The following MACROD1 variants were observed in gnomAD, a reference collection of about 807,000 sequenced individuals.
MACROD1 encodes the protein mono-ADP ribosylhydrolase 1, also known as ADP-ribose glycohydrolase MACROD1.
Under a neutral mutation model 41.4 loss-of-function variants are expected in MACROD1, and 31 were observed. That is an observed-to-expected ratio of 0.75 (90% CI 0.56 to 1.01). MACROD1 has a LOEUF of 1.01. Among genes scored for constraint, MACROD1 ranks in the 50% least tolerant of loss-of-function variants. The pLI, the probability that MACROD1 is intolerant of heterozygous loss-of-function variation, is 0.00. For synonymous variants in MACROD1, 252 were observed against 203.4 expected, an observed-to-expected ratio of 1.24 and a Z score of -2.03; for missense variants, 473 against 460.0, an observed-to-expected ratio of 1.03 and a Z score of -0.26.
At chr11:64,108,964 G>A (rs1944812184) in intron 3 of MACROD1, among the ~76,000 whole-genome samples, 2 of 152,202 alleles carry the variant, frequency 1.3e-5, no homozygotes, top group Admixed American at 6.5e-5. Flanking sequence ...GAAGGAGGCT[G>A]AGGGGCAAGT....
chr11:64,046,851 C>T (rs1943593639), intron 3 of MACROD1, among the ~76,000 whole-genome samples: 2 of 152,184 alleles, frequency 1.3e-5, no homozygotes, highest in South Asian at 4.1e-4. Flanking sequence ...GAAGTCTTCC[C>T]CATCCCTGCC....
At chr11:64,058,414 C>T (rs1943832811) in intron 3 of MACROD1, among the ~76,000 whole-genome samples, 1 of 152,078 alleles carries the variant, frequency 6.6e-6, no homozygotes, top group Non-Finnish European at 1.5e-5. Context: ...GGGGGGGGGT[C>T]CTCCCCTGTA....
At chr11:64,076,327 G>A (rs1944200172) in intron 3 of MACROD1, among the ~76,000 whole-genome samples, 1 of 152,188 alleles carries the variant, frequency 6.6e-6, no homozygotes, top group African/African-American at 2.4e-5. Flanking sequence ...TTGGGGTTAG[G>A]GACAGGGACA....
chr11:64,115,321 A>G (rs529466913), intron 3 of MACROD1, among the ~76,000 whole-genome samples: 36 of 152,304 alleles, frequency 2.4e-4, no homozygotes, highest in African/African-American at 5.8e-4. Context: ...CTCAGAGTAC[A>G]GACGTGACTC....
In MACROD1 at chr11:64,109,469, C is replaced by T. The variant is rs558680830; in HGVS notation, c.517+41770G>A. 1.4e-3 allele frequency among the ~76,000 whole-genome samples: 207 copies of T among 152,254 alleles called. 1 individual carries two copies. The highest frequency in any genetic ancestry group is 2.4e-3 in the Non-Finnish European group (160 of 68,022). ...CAGCTCCACAAAGGGTCTAATGCAC[C>T]GTGAGCACAGCTTCTGGGGAGGGCT... is the stretch of plus-strand genomic sequence containing the variant. On this transcript the variant is annotated intron_variant, in intron 3 of 10. Coordinates refer to ENST00000255681, the MANE Select transcript of MACROD1 (RefSeq NM_014067.4).
chr11:64,108,695 C>T (rs116841289), intron 3 of MACROD1, among the ~76,000 whole-genome samples: 2 of 152,332 alleles, frequency 1.3e-5, no homozygotes, highest in African/African-American at 2.4e-5. Flanking sequence ...TGCTTCTGCC[C>T]GCAGTCTGCC....
At chr11:64,100,083 A>G (rs1944645414) in intron 3 of MACROD1, among the ~76,000 whole-genome samples, 1 of 152,186 alleles carries the variant, frequency 6.6e-6, no homozygotes, top group Non-Finnish European at 1.5e-5. Context: ...ATAACCCTGC[A>G]CAAGTCCTGC....
chr11:64,154,447 C>T lies in MACROD1; in HGVS notation c.299-2054G>A, dbSNP rs182617562. ...CTCATGGCTCCCTAGATCCCACAGA[C>T]GCTCCCAACTCCCAGCTGATCTCCG... On this transcript the variant is annotated intron_variant, in intron 1 of 10. Coordinates refer to ENST00000255681, the MANE Select transcript of MACROD1 (RefSeq NM_014067.4). Among the ~76,000 whole-genome samples, 620 of 152,240 alleles carry T rather than the reference C, an allele frequency of 4.1e-3. 1 individual carries two copies. Among genetic ancestry groups the T allele is most frequent in the Admixed American group, 6.7e-3 (102 of 15,282 alleles).
intron 3 of MACROD1, among the ~76,000 whole-genome samples, chr11:64,080,621 G>A (rs748379951): frequency 2.8e-4 from 43 of 152,206 alleles, no homozygotes; most frequent in Non-Finnish European, 4.8e-4. Context: ...GGAGGGTTAC[G>A]TTTATGATAC....
chr11:64,018,466 G>A (rs979788093), intron 3 of MACROD1, among the ~76,000 whole-genome samples: 1 of 152,086 alleles, frequency 6.6e-6, no homozygotes, highest in Non-Finnish European at 1.5e-5. Flanking sequence ...TGGCCCGGAG[G>A]CTTGCAGAGA....
At chr11:64,031,426 A>G (rs1943292173) in intron 3 of MACROD1, among the ~76,000 whole-genome samples, 1 of 149,724 alleles carries the variant, frequency 6.7e-6, no homozygotes, top group South Asian at 2.1e-4. Flanking sequence ...TGGAGTTAGA[A>G]CTTGGATCAG....
intron 3 of MACROD1, among the ~76,000 whole-genome samples, chr11:64,054,123 C>G (rs924832695): frequency 1.3e-5 from 2 of 152,126 alleles, no homozygotes; most frequent in Admixed American, 6.5e-5. Flanking sequence ...CTGAGTTCTA[C>G]CAGGCAGGAG....
At chr11:64,040,402 GGGC>G (rs1943462541) in intron 3 of MACROD1, among the ~76,000 whole-genome samples, 3 of 152,172 alleles carry the variant, frequency 2.0e-5, no homozygotes, top group Non-Finnish European at 4.4e-5. Flanking sequence ...CCCGGCAGGA[GGGC>G]AGAGGGGCTC....
In MACROD1 at chr11:64,039,968, C is replaced by T. The variant is rs78989042; in HGVS notation, c.518-24687G>A. Reference sequence around the variant, plus strand: ...CTGGCCCACCAGTGCTCCTCTGGCACGCCTGGCTCCCTGGCTCTTCTGTTT... The same window carrying T: ...CTGGCCCACCAGTGCTCCTCTGGCATGCCTGGCTCCCTGGCTCTTCTGTTT... On this transcript the variant is annotated intron_variant, in intron 3 of 10. Transcript: ENST00000255681. Among the ~76,000 whole-genome samples the T allele has an allele frequency of 4.0e-3, 616 of 152,362 alleles. 2 individuals carry two copies. The highest frequency in any genetic ancestry group is 6.8e-3 in the Non-Finnish European group (466 of 68,036).
chr11:64,128,653 C>A (rs1945221763), intron 3 of MACROD1, among the ~76,000 whole-genome samples: 1 of 151,534 alleles, frequency 6.6e-6, no homozygotes, highest in Admixed American at 6.6e-5. Flanking sequence ...AGCCTCAGTG[C>A]AGCCCCACCC....
At chr11:64,118,316 G>A (rs767651641) in intron 3 of MACROD1, 6 of 1,530,134 alleles carry the variant, frequency 3.9e-6, no homozygotes, top group Admixed American at 2.0e-5. Flanking sequence ...GGGCTGCCCC[G>A]CCTCAGCCCC....
chr11:64,127,209 C>G (rs1261445525), intron 3 of MACROD1, among the ~76,000 whole-genome samples: 1 of 152,270 alleles, frequency 6.6e-6, no homozygotes, highest in Non-Finnish European at 1.5e-5. Context: ...GTCCTATTTT[C>G]TGTTTGTCTA....
intron 3 of MACROD1, among the ~76,000 whole-genome samples, chr11:64,150,434 A>T (rs1316921655): frequency 6.6e-6 from 1 of 152,146 alleles, no homozygotes; most frequent in African/African-American, 2.4e-5. Flanking sequence ...AGACGAGAGG[A>T]CCTGCCCCCC....
intron 3 of MACROD1, among the ~76,000 whole-genome samples, chr11:64,042,675 G>T (rs1943511002): frequency 6.6e-6 from 1 of 152,168 alleles, no homozygotes; most frequent in Non-Finnish European, 1.5e-5. Flanking sequence ...GTCCCAGGGA[G>T]ATAGACAACA....
Sources: allele counts gnomAD v4.1 joint callset (sites outside exome capture counted in the v4.1 genomes callset), GRCh38; gene constraint gnomAD v4.1.1; transcripts MANE v1.5; gene names NCBI Gene and HGNC (gene_info 2026-07-23, HGNC 2026-07-21).